STC1: variants seen among roughly 807,000 people sequenced by gnomAD.
STC1 encodes stanniocalcin 1.
In STC1, 7 loss-of-function variants were observed where a neutral mutation model predicts 22.6. That is an observed-to-expected ratio of 0.31 (90% CI 0.18 to 0.58). STC1 has a LOEUF of 0.58. Ranked by LOEUF, STC1 falls within the 20% of genes least tolerant of loss-of-function variation. The probability of loss-of-function intolerance (pLI) is 0.89; values close to 1 mark genes in which losing one functional copy is unlikely to be tolerated. For missense variants in STC1, 224 were observed against 311.0 expected, an observed-to-expected ratio of 0.72 and a Z score of 2.10; for synonymous variants, 113 against 120.7, an observed-to-expected ratio of 0.94 and a Z score of 0.42.
intron 3 of STC1, among the ~76,000 whole-genome samples, chr8:23,846,848 A>G (rs1052192740): frequency 6.6e-6 from 1 of 152,228 alleles, no homozygotes; most frequent in Non-Finnish European, 1.5e-5. Context: ...GGAAATGAGG[A>G]GAAAACCAGT....
chr8:23,852,896 A>G (rs760515920), intron 1 of STC1, among the ~76,000 whole-genome samples: 70 of 152,188 alleles, frequency 4.6e-4, no homozygotes, highest in Non-Finnish European at 8.4e-4. Context: ...GTCCACTTGG[A>G]GACCCTTCTG....
chr8:23,852,218 G>A, intron 2 of STC1, 24 bp downstream of exon 2: 2 of 1,613,990 alleles, frequency 1.2e-6, no homozygotes, highest in Non-Finnish European at 1.7e-6. Context: ...CAGCCAGTGG[G>A]AGCAGGGGTC....
intron 1 of STC1, 104 bp downstream of exon 1, chr8:23,854,302 C>A: frequency 1.8e-6 from 2 of 1,115,674 alleles, no homozygotes; most frequent in Non-Finnish European, 2.7e-6. Context: ...AGGCATGAAG[C>A]ACATTTATTA....
chr8:23,848,519 G>A (rs926131293), intron 3 of STC1, among the ~76,000 whole-genome samples: 4 of 112,544 alleles, frequency 3.6e-5, no homozygotes, highest in African/African-American at 1.4e-4. Flanking sequence ...GCAACAGAGC[G>A]ATACTCTGTC....
chr8:23,853,919 G>A (rs1264508136), intron 1 of STC1: 8 of 667,934 alleles, frequency 1.2e-5, no homozygotes, highest in South Asian at 6.6e-5. Context: ...TGAGGGCTAT[G>A]GTTCTGAAAA....
chr8:23,848,413 T>C (rs1802597325), intron 3 of STC1, among the ~76,000 whole-genome samples: 1 of 150,930 alleles, frequency 6.6e-6, no homozygotes, highest in Non-Finnish European at 1.5e-5. Context: ...GTGCTTGTAA[T>C]CCCAGCTACT....
Position 23,854,744 on chromosome 8 carries a change from C to T in STC1, c.-221G>A, listed in dbSNP as rs1471695019. ...CTGCCGCCGCTGCTGCTGCTGCTGC[C>T]ACCGCCGCTGCTGCTGCTGCTGCTG... is the stretch of plus-strand genomic sequence containing the variant. On this transcript the variant is annotated 5_prime_UTR_variant, in exon 1 of 4. Coordinates refer to ENST00000290271, the MANE Select transcript of STC1 (RefSeq NM_003155.3). The T allele has an allele frequency of 1.6e-5, 10 of 610,028 alleles. No homozygotes were observed. Among genetic ancestry groups the T allele is most frequent in the South Asian group, 9.9e-5 (6 of 60,384 alleles). 37.8% of individuals were successfully genotyped at this position (610,028 alleles called of 1,614,324 possible).
At chr8:23,852,668 T>C (rs1190239848) in intron 1 of STC1, among the ~76,000 whole-genome samples, 1 of 152,116 alleles carries the variant, frequency 6.6e-6, no homozygotes, top group Admixed American at 6.6e-5. Flanking sequence ...TCTGGAGAAG[T>C]GAGGCTCAAG....
At position 23,844,699 on chromosome 8, in the gene STC1, A is replaced by G; in HGVS notation, c.*71T>C. The G allele has an allele frequency of 6.4e-7, 1 of 1,557,582 alleles. No homozygotes were observed. Among genetic ancestry groups the G allele is most frequent in the South Asian group, 1.2e-5 (1 of 85,180 alleles). On this transcript the variant is annotated 3_prime_UTR_variant, in exon 4 of 4. Coordinates refer to ENST00000290271, the MANE Select transcript of STC1 (RefSeq NM_003155.3). ...AAAAAAATCAAACCAGGCACAGTAC[A>G]CTCAAAACTGGTGTGTCAACACCCC... is the stretch of plus-strand genomic sequence containing the variant.
At chr8:23,845,175 G>A in intron 3 of STC1, 135 bp from the exon 4 acceptor site, 1 of 926,212 alleles carries the variant, frequency 1.1e-6, no homozygotes, top group Non-Finnish European at 1.6e-6. Flanking sequence ...ATCAGCTGAA[G>A]GTGGCTTTTG....
At chr8:23,846,415 G>A (rs928501224) in intron 3 of STC1, among the ~76,000 whole-genome samples, 1 of 152,162 alleles carries the variant, frequency 6.6e-6, no homozygotes, top group Non-Finnish European at 1.5e-5. Flanking sequence ...CAGTGACAGT[G>A]ACCTGCAGTA....
chr8:23,850,726 A>G (rs913693741), intron 3 of STC1, among the ~76,000 whole-genome samples: 1 of 152,158 alleles, frequency 6.6e-6, no homozygotes, highest in Non-Finnish European at 1.5e-5. Flanking sequence ...ATGGGATAAC[A>G]TAAGGCCTGG....
Position 23,845,056 on chromosome 8 carries a change from G to A in STC1, c.474-16C>T, listed in dbSNP as rs753144670. ...GTTATAGTATCTGCATCAAGAAAGA[G>A]AGTGCATATGGTGGTCACCCAGTGA... is the stretch of plus-strand genomic sequence containing the variant. On this transcript the variant is annotated splice_polypyrimidine_tract_variant and intron_variant, in intron 3 of 3. Transcript: ENST00000290271. 2 of 1,613,002 alleles carry A rather than the reference G, an allele frequency of 1.2e-6. No individual in the cohort carries two copies. Among genetic ancestry groups the A allele is most frequent in the Non-Finnish European group, 1.7e-6 (2 of 1,179,514 alleles).
intron 1 of STC1, 141 bp downstream of exon 1, chr8:23,854,265 G>T: frequency 2.1e-6 from 2 of 941,028 alleles, no homozygotes; most frequent in Non-Finnish European, 3.2e-6. Flanking sequence ...TAAGGCTATT[G>T]GATTACACTG....
At position 23,854,698 on chromosome 8, in the gene STC1, G is replaced by GTGCCTCCGCTGCTGCTGCTGC; in HGVS notation, c.-196_-176dup. On this transcript the variant is annotated 5_prime_UTR_variant, in exon 1 of 4. Transcript: ENST00000290271. The stretch of plus-strand genomic sequence containing the variant: ...GCTGGTGATGCTGCTGCTGCCACCG[G>GTGCCTCCGCTGCTGCTGCTGC]TGCCTCCGCTGCTGCTGCTGCTGCC... 1.4e-6 allele frequency: 1 copy of GTGCCTCCGCTGCTGCTGCTGC among 713,118 alleles called. No individual in the cohort carries two copies. Among genetic ancestry groups the GTGCCTCCGCTGCTGCTGCTGC allele is most frequent in the African/African-American group, 1.8e-5 (1 of 56,606 alleles). 44.2% of individuals were successfully genotyped at this position (713,118 alleles called of 1,614,324 possible). A position where few individuals can be genotyped will look rare whatever the true frequency, so the allele number is the denominator to read the frequency against.
In STC1 at chr8:23,854,729, TGCTGCTGCTGCTGCCACCGCC is replaced by T. The variant is rs1407652295; in HGVS notation, c.-227_-207del. On this transcript the variant is annotated 5_prime_UTR_variant, in exon 1 of 4. Transcript: ENST00000290271. ...CCGCTGCTGCTGCTGCTGCCGCCGCTGCTGCTGCTGCTGCCACCGCCGCTGCTGCTGCTGCTGCTGCAGTCG... is the reference window on the plus strand; with the variant it reads ...CCGCTGCTGCTGCTGCTGCCGCCGCTGCTGCTGCTGCTGCTGCTGCAGTCG... The T allele has an allele frequency of 2.4e-5, 14 of 571,980 alleles. No homozygotes were observed. The highest frequency in any genetic ancestry group is 3.6e-5 in the Non-Finnish European group (11 of 305,488). The allele number at this position is 571,980 out of a possible 1,614,324, so 35.4% of individuals were successfully genotyped here.
intron 3 of STC1, among the ~76,000 whole-genome samples, chr8:23,847,414 C>G (rs566027485): frequency 3.3e-5 from 5 of 152,346 alleles, no homozygotes; most frequent in African/African-American, 1.2e-4. Context: ...AGCCTGAGGG[C>G]TCTTAGTGAG....
At chr8:23,849,741 A>G (rs1802614864) in intron 3 of STC1, among the ~76,000 whole-genome samples, 1 of 152,146 alleles carries the variant, frequency 6.6e-6, no homozygotes, top group Admixed American at 6.5e-5. Flanking sequence ...TCTAAATTGT[A>G]ATAGTGGCTT....
At position 23,850,935 on chromosome 8, in the gene STC1, A is replaced by G. The variant is rs184396205; in HGVS notation, c.473+385T>C. Among the ~76,000 whole-genome samples, 142 of 54,220 alleles carry G rather than the reference A, an allele frequency of 2.6e-3. No individual in the cohort carries two copies. In the East Asian group the frequency reaches 0.039, roughly 15 times the overall value. The allele number at this position is 54,220 out of a possible 152,430, so 35.6% of individuals were successfully genotyped here. ...GGCTTTTTTTTTTTTTTTTTTTTTTAATCATGGCCAATTGTGTTGTTGCAC... is the reference window on the plus strand; with the variant it reads ...GGCTTTTTTTTTTTTTTTTTTTTTTGATCATGGCCAATTGTGTTGTTGCAC... On this transcript the variant is annotated intron_variant, in intron 3 of 3. Coordinates refer to ENST00000290271, the MANE Select transcript of STC1 (RefSeq NM_003155.3).
Sources: gnomAD v4.1 joint callset for allele counts (sites outside exome capture counted in the v4.1 genomes callset) on GRCh38, gnomAD v4.1.1 for gene constraint, MANE v1.5 for transcripts, NCBI Gene and HGNC (gene_info 2026-07-23, HGNC 2026-07-21) for gene names.